Variants in SMAD9 observed in about 807,000 individuals in gnomAD.
The protein encoded by SMAD9 is MAD homolog 9.
In SMAD9, 36 loss-of-function variants were observed where a neutral mutation model predicts 46.1. The ratio of observed to expected loss-of-function variants is 0.78; its 90% CI spans 0.60 to 1.03. The LOEUF (loss-of-function observed/expected upper bound fraction) is 1.03. Ranked by LOEUF, SMAD9 falls within the 50% of genes least tolerant of loss-of-function variation. The pLI, the probability that SMAD9 is intolerant of heterozygous loss-of-function variation, is 0.00. For synonymous variants in SMAD9, 245 were observed against 237.1 expected, an observed-to-expected ratio of 1.03 and a Z score of -0.31; for missense variants, 572 against 599.8, an observed-to-expected ratio of 0.95 and a Z score of 0.48.
intron 1 of SMAD9, among the ~76,000 whole-genome samples, chr13:36,893,141 A>T (rs570782128): frequency 2.0e-5 from 3 of 152,212 alleles, no homozygotes; most frequent in Non-Finnish European, 4.4e-5. Context: ...TAGCAATTCC[A>T]CAACAAAGTA....
intron 1 of SMAD9, among the ~76,000 whole-genome samples, chr13:36,892,079 G>A (rs2058492804): frequency 1.3e-5 from 2 of 152,134 alleles, no homozygotes; most frequent in Non-Finnish European, 2.9e-5. Context: ...TGTCAATGAC[G>A]ATGGTAGTAT....
In SMAD9 at chr13:36,848,769, C is replaced by T; in HGVS notation, c.1311G>A (p.Trp437Ter). The change falls in exon 7 of 7, where the codon TGG (tryptophan) becomes TGA (stop). Residue 437 changes from tryptophan (W) to a stop codon, truncating the protein, a stop_gained. Coordinates refer to ENST00000379826, the MANE Select transcript of SMAD9 (RefSeq NM_001127217.3). LOFTEE classifies it high-confidence loss of function. ...HRQDVTSTPCWIEIHLHGPLQ... is the reference protein window; with the variant it reads ...HRQDVTSTPC The stretch of plus-strand genomic sequence containing the variant: ...GTGGCCCATGAAGATGAATCTCAAT[C>T]CAGCAGGGGGTGCTGGTGACATCCT... The T allele has an allele frequency of 1.9e-6, 3 of 1,614,098 alleles. No homozygotes were observed. Among genetic ancestry groups the T allele is most frequent in the Non-Finnish European group, 2.5e-6 (3 of 1,179,978 alleles).
rs530485151 is a variant in SMAD9, at chr13:36,913,979, C to T, written c.-187+6137G>A. 3.9e-5 allele frequency among the ~76,000 whole-genome samples: 6 copies of T among 152,244 alleles called. No individual in the cohort carries two copies. In the South Asian group the frequency reaches 1.2e-3, roughly 32 times the overall value. On this transcript the variant is annotated intron_variant, in intron 1 of 6. Coordinates refer to ENST00000379826, the MANE Select transcript of SMAD9 (RefSeq NM_001127217.3). The stretch of plus-strand genomic sequence containing the variant: ...CTTTATGAACAAATGGTGTTCAATC[C>T]TGCATAGTTATTTGGAAACTGGAAT...
chr13:36,909,085 TATTG>T (rs1224345708), intron 1 of SMAD9, among the ~76,000 whole-genome samples: 2 of 152,236 alleles, frequency 1.3e-5, no homozygotes, highest in African/African-American at 4.8e-5. Context: ...AGAATGTTAC[TATTG>T]ATTGGATATC....
chr13:36,890,663 T>C (rs1273350310), intron 1 of SMAD9, among the ~76,000 whole-genome samples: 1 of 152,174 alleles, frequency 6.6e-6, no homozygotes, highest in Non-Finnish European at 1.5e-5. Context: ...TCAACTTTCT[T>C]CTCATTGTTG....
rs886050170 is a variant in SMAD9, at chr13:36,853,591, T to C, written c.1088A>G (p.Asn363Ser). 12 of 1,614,086 alleles carry C rather than the reference T, an allele frequency of 7.4e-6. No homozygotes were observed. Among genetic ancestry groups the C allele is most frequent in the African/African-American group, 4.0e-5 (3 of 75,000 alleles). ...AGCTGGGTGGAAGCCGTGTTGATAG[T>C]TGCAGTTCCGGCTCTGCACAAAGAT... is the stretch of plus-strand genomic sequence containing the variant. The part of the protein sequence containing the change: ...SSIFVQSRNC[N>S]YQHGFHPATV... Residue 363 changes from asparagine to serine, a missense_variant, in exon 6 of 7, where the codon AAC becomes AGC. Asn to Ser is a conservative substitution (Grantham distance 46). Transcript: ENST00000379826.
At chr13:36,916,020 G>A (rs1375774780) in intron 1 of SMAD9, among the ~76,000 whole-genome samples, 1 of 152,130 alleles carries the variant, frequency 6.6e-6, no homozygotes, top group Non-Finnish European at 1.5e-5. Context: ...AGTATTGTTC[G>A]ATAATAGAAT....
Position 36,879,693 on chromosome 13 carries a change from A to G in SMAD9, c.-4T>C. 6.2e-7 allele frequency: 1 copy of G among 1,613,864 alleles called. No individual in the cohort carries two copies. Among genetic ancestry groups the G allele is most frequent in the Non-Finnish European group, 8.5e-7 (1 of 1,180,022 alleles). On this transcript the variant is annotated 5_prime_UTR_variant, in exon 2 of 7. Transcript: ENST00000379826. ...TGATGGGGGTGGTGGAGTGCATAAG[A>G]GGCCACAGCAGGCTCCGGCGCGCAC...
chr13:36,905,054 C>T (rs1339165693), intron 1 of SMAD9, among the ~76,000 whole-genome samples: 2 of 152,284 alleles, frequency 1.3e-5, no homozygotes, highest in Middle Eastern at 3.4e-3. Context: ...GATGATTTTG[C>T]CCCCCACGGG....
chr13:36,874,854 CAA>C (rs529721275), intron 2 of SMAD9, among the ~76,000 whole-genome samples: 14,781 of 65,850 alleles, frequency 0.22, 394 homozygotes, highest in Middle Eastern at 0.29. Context: ...GACTCCGTCC[CAA>C]AAAAAAAAAA....
At chr13:36,885,253 C>T (rs889771778) in intron 1 of SMAD9, among the ~76,000 whole-genome samples, 2 of 152,128 alleles carry the variant, frequency 1.3e-5, no homozygotes, top group Admixed American at 1.3e-4. Flanking sequence ...CTTATTTATA[C>T]TTTACACACA....
At chr13:36,877,619 CTTTTT>C (rs559530689) in intron 2 of SMAD9, among the ~76,000 whole-genome samples, 1 of 148,866 alleles carries the variant, frequency 6.7e-6, no homozygotes, top group Non-Finnish European at 1.5e-5. Flanking sequence ...ACATTATTGA[CTTTTT>C]TTTTTAAGTA....
rs139238428 is a variant in SMAD9 at position 36,864,301 on chromosome 13, C to T, written c.1003+1236G>A. Among the ~76,000 whole-genome samples, 766 of 152,310 alleles carry T rather than the reference C, an allele frequency of 5.0e-3. 3 individuals are homozygous for T. The highest frequency in any genetic ancestry group is 0.017 in the African/African-American group (695 of 41,574). ...AAACCTAGAGTAAAATCACCACCAT[C>T]TTCTCCAGCTCTCTGTGTCAGAGAC... is the stretch of plus-strand genomic sequence containing the variant. On this transcript the variant is annotated intron_variant, in intron 5 of 6. Transcript: ENST00000379826.
intron 3 of SMAD9, 151 bp downstream of exon 3, chr13:36,872,507 T>C (rs577252782): frequency 5.5e-6 from 5 of 901,984 alleles, no homozygotes; most frequent in African/African-American, 3.3e-5. Context: ...AAAATAGGTA[T>C]AGTCCTAATC....
rs2058630191 is a variant in SMAD9 at position 36,907,729 on chromosome 13, C to T, written c.-187+12387G>A. On this transcript the variant is annotated intron_variant, in intron 1 of 6. Transcript: ENST00000379826. ...AATTGCATTACTATTTATATTTTAT[C>T]ACAATAAAGGAAAATCCTATCCAAA... is the stretch of plus-strand genomic sequence containing the variant. 2.0e-5 allele frequency among the ~76,000 whole-genome samples: 3 copies of T among 152,232 alleles called. No homozygotes were observed. In the South Asian group the frequency reaches 6.2e-4, roughly 32 times the overall value.
chr13:36,859,581 T>C (rs762340849), intron 5 of SMAD9, among the ~76,000 whole-genome samples: 2 of 152,178 alleles, frequency 1.3e-5, no homozygotes, highest in Non-Finnish European at 2.9e-5. Flanking sequence ...ACAAATGCCA[T>C]GGCGAACATG....
Position 36,845,060 on chromosome 13 carries a change from T to A in SMAD9, c.*3616A>T, listed in dbSNP as rs914202417. 16 of 152,020 alleles carry A rather than the reference T, an allele frequency of 1.1e-4. No individual in the cohort carries two copies. Among genetic ancestry groups the A allele is most frequent in the Admixed American group, 1.0e-3 (16 of 15,258 alleles). The allele number at this position is 152,020 out of a possible 1,614,324, so 9.4% of individuals were successfully genotyped here. On this transcript the variant is annotated 3_prime_UTR_variant, in exon 7 of 7. Transcript: ENST00000379826. Reference sequence around the variant, plus strand: ...AATCGTAACAGGGAAAGACAAAATGTGAAATGCATGTTATATTTTGCTTTA... The same window carrying A: ...AATCGTAACAGGGAAAGACAAAATGAGAAATGCATGTTATATTTTGCTTTA...
intron 2 of SMAD9, 28 bp from the exon 3 acceptor site, chr13:36,872,943 A>G (rs2058310414): frequency 1.2e-6 from 2 of 1,613,532 alleles, no homozygotes; most frequent in East Asian, 4.5e-5. Context: ...CAAGGCAGTT[A>G]GAATTGAACA....
intron 3 of SMAD9, among the ~76,000 whole-genome samples, chr13:36,871,477 C>T (rs1410221360): frequency 6.6e-6 from 1 of 151,968 alleles, no homozygotes; most frequent in Non-Finnish European, 1.5e-5. Flanking sequence ...AGGATCATGC[C>T]ACTGCACTCC....
Sources: allele counts gnomAD v4.1 joint callset (sites outside exome capture counted in the v4.1 genomes callset), GRCh38; gene constraint gnomAD v4.1.1; transcripts MANE v1.5; gene names NCBI Gene and HGNC (gene_info 2026-07-23, HGNC 2026-07-21).